Variants in KDM4C observed in about 807,000 individuals in gnomAD.
The protein encoded by KDM4C is lysine-specific demethylase 4C.
KDM4C carries 81 observed loss-of-function variants against 129.3 expected under a neutral mutation model. The ratio of observed to expected loss-of-function variants is 0.63; its 90% CI spans 0.52 to 0.75. KDM4C has a LOEUF of 0.75. KDM4C is among the 30% of genes least tolerant of loss of function. The pLI, the probability that KDM4C is intolerant of heterozygous loss-of-function variation, is 0.00. For missense variants in KDM4C, 1,457 were observed against 1,304.0 expected, an observed-to-expected ratio of 1.12 and a Z score of -1.81; for synonymous variants, 573 against 456.1, an observed-to-expected ratio of 1.26 and a Z score of -3.26.
chr9:6,943,914 C>A (rs529733295), intron 8 of KDM4C, among the ~76,000 whole-genome samples: 38 of 152,260 alleles, frequency 2.5e-4, no homozygotes, highest in African/African-American at 8.9e-4. Context: ...TTCTGAGATT[C>A]ACTTTGCTAT....
intron 2 of KDM4C, among the ~76,000 whole-genome samples, chr9:6,804,555 C>G (rs189502197): frequency 6.6e-6 from 1 of 151,814 alleles, no homozygotes; most frequent in Admixed American, 6.6e-5. Context: ...GTCAGGAGTT[C>G]AAGACCATCC....
At chr9:7,063,597 A>G (rs1323400) in intron 17 of KDM4C, among the ~76,000 whole-genome samples, 1 of 151,964 alleles carries the variant, frequency 6.6e-6, no homozygotes, top group East Asian at 1.9e-4. Context: ...TCTTAACGAT[A>G]TTACAGGGTA....
At chr9:6,794,936 A>G (rs931439193) in intron 2 of KDM4C, among the ~76,000 whole-genome samples, 2 of 152,194 alleles carry the variant, frequency 1.3e-5, no homozygotes, top group Admixed American at 1.3e-4. Flanking sequence ...TCCCTTCTAT[A>G]ATGTAAGTCT....
At chr9:6,733,925 C>T (rs887591045) in intron 1 of KDM4C, among the ~76,000 whole-genome samples, 1 of 152,126 alleles carries the variant, frequency 6.6e-6, no homozygotes, top group African/African-American at 2.4e-5. Flanking sequence ...GTGAGGACAA[C>T]CAGAGGTCAC....
intron 21 of KDM4C, among the ~76,000 whole-genome samples, chr9:7,173,578 G>T (rs1332203353): frequency 2.6e-5 from 4 of 152,102 alleles, no homozygotes; most frequent in Non-Finnish European, 4.4e-5. Context: ...AGAGGTGAGG[G>T]CCTGCCCCAT....
intron 2 of KDM4C, among the ~76,000 whole-genome samples, chr9:6,801,836 G>C (rs1303878798): frequency 1.3e-5 from 2 of 152,110 alleles, no homozygotes; most frequent in African/African-American, 4.8e-5. Context: ...TGGGCGCGGT[G>C]GCTCATGCCT....
chr9:7,109,487 AT>A (rs1252897500), intron 18 of KDM4C, among the ~76,000 whole-genome samples: 1 of 152,156 alleles, frequency 6.6e-6, no homozygotes, highest in African/African-American at 2.4e-5. Context: ...TTCCAACAGG[AT>A]TTTTATTTGG....
intron 8 of KDM4C, among the ~76,000 whole-genome samples, chr9:6,930,281 G>A (rs571474166): frequency 6.6e-6 from 1 of 152,222 alleles, no homozygotes; most frequent in Admixed American, 6.5e-5. Flanking sequence ...GAATAACGCT[G>A]CCCCATTCTG....
At chr9:6,763,886 T>C (rs1486922163) in intron 1 of KDM4C, among the ~76,000 whole-genome samples, 1 of 152,136 alleles carries the variant, frequency 6.6e-6, no homozygotes, top group Non-Finnish European at 1.5e-5. Context: ...GCTTCCTGAG[T>C]AGCTGGGCTT....
At chr9:7,107,234 A>G (rs1438721854) in intron 18 of KDM4C, among the ~76,000 whole-genome samples, 1 of 152,242 alleles carries the variant, frequency 6.6e-6, no homozygotes, top group Non-Finnish European at 1.5e-5. Flanking sequence ...CCACTTGGAT[A>G]TATTCCTAAC....
chr9:7,052,890 A>AGAGAGAGAGAGAGAGAGAGAGAGAGAGC (rs1564049548), intron 17 of KDM4C, among the ~76,000 whole-genome samples: 1 of 36,678 alleles, frequency 2.7e-5, no homozygotes, highest in African/African-American at 8.2e-5. Context: ...AGAGAGAGAG[A>AGAGAGAGAGAGAGAGAGAGAGAGAGAGC]GAGAGAGAGA....
Position 6,981,041 on chromosome 9 carries a change from G to A in KDM4C, c.1038G>A (p.Thr346=), listed in dbSNP as rs10975949. The A allele has an allele frequency of 0.02, 32,132 of 1,613,764 alleles. 421 individuals are homozygous for A. The highest frequency in any genetic ancestry group is 0.024 in the Non-Finnish European group (28,510 of 1,179,774). The change falls in exon 9 of 22, where the codon ACG becomes ACA. Residue 346 remains threonine (T), a synonymous_variant. Transcript: ENST00000381309. ...AGGATATATACACCATTGATCACACGAAGCCTACTCCAGCATCCACCCCTG... is the reference window on the plus strand; with the variant it reads ...AGGATATATACACCATTGATCACACAAAGCCTACTCCAGCATCCACCCCTG... ...QGKDIYTIDH[T]KPTPASTPEV...
intron 8 of KDM4C, among the ~76,000 whole-genome samples, chr9:6,907,683 T>G (rs945375596): frequency 6.6e-6 from 1 of 152,174 alleles, no homozygotes; most frequent in Non-Finnish European, 1.5e-5. Flanking sequence ...GATTCTAAAA[T>G]GGAAGTAAAC....
chr9:7,039,942 A>G (rs1178953387), intron 15 of KDM4C, among the ~76,000 whole-genome samples: 1 of 151,936 alleles, frequency 6.6e-6, no homozygotes, highest in African/African-American at 2.4e-5. Flanking sequence ...TTTTGCATCT[A>G]ATTCCACTAC....
chr9:6,965,057 G>A (rs773050490), intron 8 of KDM4C, among the ~76,000 whole-genome samples: 7 of 151,750 alleles, frequency 4.6e-5, no homozygotes, highest in Non-Finnish European at 8.8e-5. Context: ...TCTTGAATGC[G>A]AAAGTTTAGA....
chr9:6,773,285 G>T (rs981798044), intron 1 of KDM4C, among the ~76,000 whole-genome samples: 2 of 152,106 alleles, frequency 1.3e-5, no homozygotes, highest in African/African-American at 2.4e-5. Flanking sequence ...TACAGGCTGT[G>T]CCCAGCCACA....
intron 1 of KDM4C, among the ~76,000 whole-genome samples, chr9:6,777,794 A>T (rs1823404066): frequency 6.6e-6 from 1 of 152,102 alleles, no homozygotes; most frequent in Non-Finnish European, 1.5e-5. Flanking sequence ...ATGGTTTGTA[A>T]TTGGAAACTG....
chr9:7,027,180 G>T (rs1825951000), intron 15 of KDM4C, among the ~76,000 whole-genome samples: 1 of 152,102 alleles, frequency 6.6e-6, no homozygotes, highest in South Asian at 2.1e-4. Flanking sequence ...AAAGAGTTAG[G>T]TATTTACTGT....
At chr9:7,060,683 T>C (rs539315439) in intron 17 of KDM4C, among the ~76,000 whole-genome samples, 175 of 152,144 alleles carry the variant, frequency 1.2e-3, no homozygotes, top group African/African-American at 3.9e-3. Flanking sequence ...GGTTTCACCA[T>C]GTTGGCCAGG....
Sources: gnomAD v4.1 joint callset for allele counts (sites outside exome capture counted in the v4.1 genomes callset) on GRCh38, gnomAD v4.1.1 for gene constraint, MANE v1.5 for transcripts, NCBI Gene and HGNC (gene_info 2026-07-23, HGNC 2026-07-21) for gene names.